CREB5: variants seen among roughly 807,000 people sequenced by gnomAD.
The protein encoded by CREB5 is cAMP responsive element binding protein 5, also known as cyclic AMP-responsive element-binding protein 5.
In CREB5, 19 loss-of-function variants were observed where a neutral mutation model predicts 57.1. That is an observed-to-expected ratio of 0.33 (90% confidence interval 0.23 to 0.49). CREB5 has a LOEUF of 0.49. Among genes scored for constraint, CREB5 ranks in the 20% least tolerant of loss-of-function variants. The probability of loss-of-function intolerance (pLI) is 0.99; values close to 1 mark genes in which losing one functional copy is unlikely to be tolerated. For missense variants in CREB5, 579 were observed against 671.6 expected, an observed-to-expected ratio of 0.86 and a Z score of 1.52; for synonymous variants, 238 against 238.3, an observed-to-expected ratio of 1.00 and a Z score of 0.01.
intron 5 of CREB5, among the ~76,000 whole-genome samples, chr7:28,658,989 AAGTCATAATT>A (rs1799481626): frequency 7.1e-6 from 1 of 141,350 alleles, no homozygotes. Flanking sequence ...ATGTATATAT[AAGTCATAATT>A]TATAATAAGT....
chr7:28,327,436 C>T (rs1785630053), intron 1 of CREB5, among the ~76,000 whole-genome samples: 1 of 152,158 alleles, frequency 6.6e-6, no homozygotes, highest in Admixed American at 6.5e-5. Context: ...AGGCCTAACA[C>T]TCATCTGCAA....
intron 1 of CREB5, among the ~76,000 whole-genome samples, chr7:28,475,077 G>T (rs1373669061): frequency 6.6e-6 from 1 of 151,964 alleles, no homozygotes. Flanking sequence ...TAGGGACAGA[G>T]GTATTGGATT....
upstream of CREB5, among the ~76,000 whole-genome samples, chr7:28,408,798 G>A (rs2128001096): frequency 6.6e-6 from 1 of 152,282 alleles, no homozygotes; most frequent in African/African-American, 2.4e-5. Flanking sequence ...TGACAAGTGA[G>A]TGCTCTGAAA....
intron 3 of CREB5, among the ~76,000 whole-genome samples, chr7:28,499,178 A>AAAC (rs2128601839): frequency 6.9e-6 from 1 of 144,946 alleles, no homozygotes; most frequent in East Asian, 2.0e-4. Flanking sequence ...CTGTGCAGGA[A>AAAC]AAAAAAAAAA....
At chr7:28,374,630 G>C (rs1309470845) in intron 1 of CREB5, among the ~76,000 whole-genome samples, 1 of 152,170 alleles carries the variant, frequency 6.6e-6, no homozygotes, top group African/African-American at 2.4e-5. Context: ...GATTCCATTG[G>C]TATGAAATTT....
chr7:28,528,650 G>A (rs1040035065), intron 4 of CREB5, among the ~76,000 whole-genome samples: 3 of 142,882 alleles, frequency 2.1e-5, no homozygotes, highest in African/African-American at 7.7e-5. Context: ...GTTGCAGTGA[G>A]CCGAGATCGC....
chr7:28,818,309 G>A (rs1389407127), intron 10 of CREB5, 130 bp downstream of exon 10: 4 of 653,420 alleles, frequency 6.1e-6, no homozygotes, highest in Admixed American at 5.6e-5. Context: ...AAGAATTCTT[G>A]AGTGGCTTCC....
At chr7:28,390,021 C>G (rs913624228) in intron 1 of CREB5, among the ~76,000 whole-genome samples, 1 of 148,904 alleles carries the variant, frequency 6.7e-6, no homozygotes, top group Non-Finnish European at 1.5e-5. Flanking sequence ...CCGGTCATAA[C>G]GTATTTCATG....
chr7:28,607,827 C>T (rs1214119303), intron 5 of CREB5, among the ~76,000 whole-genome samples: 2 of 148,252 alleles, frequency 1.3e-5, no homozygotes, highest in Non-Finnish European at 3.0e-5. Context: ...AGATAGTATT[C>T]TAACAAAGCC....
At chr7:28,308,561 C>T (rs993438745) in intron 1 of CREB5, among the ~76,000 whole-genome samples, 1 of 152,132 alleles carries the variant, frequency 6.6e-6, no homozygotes, top group Non-Finnish European at 1.5e-5. Flanking sequence ...GGACTCAAAC[C>T]CAGGCTGCCT....
intron 1 of CREB5, among the ~76,000 whole-genome samples, chr7:28,313,290 G>A (rs1400609902): frequency 2.6e-5 from 4 of 152,174 alleles, no homozygotes; most frequent in African/African-American, 4.8e-5. Context: ...CCTGAAGCAC[G>A]AACACACTTA....
rs1554304540 is a variant in CREB5 at position 28,821,126 on chromosome 7, A to AT, written c.*1848dup. 1.2e-4 allele frequency: 17 copies of AT among 146,442 alleles called. No homozygotes were observed. The highest frequency in any genetic ancestry group is 4.5e-4 in the South Asian group (2 of 4,476). 9.1% of individuals were successfully genotyped at this position (146,442 alleles called of 1,614,324 possible). A position where few individuals can be genotyped will look rare whatever the true frequency, so the allele number is the denominator to read the frequency against. On this transcript the variant is annotated 3_prime_UTR_variant, in exon 11 of 11. Coordinates refer to ENST00000357727, the MANE Select transcript of CREB5 (RefSeq NM_182898.4). The stretch of plus-strand genomic sequence containing the variant: ...CTCCATTTGAATGCTTGACCTCTTA[A>AT]TGTGTGTGTGTGTGTGTGTGTGTGT...
intron 4 of CREB5, among the ~76,000 whole-genome samples, chr7:28,533,839 C>T (rs1282642666): frequency 6.6e-6 from 1 of 152,196 alleles, no homozygotes; most frequent in Non-Finnish European, 1.5e-5. Context: ...TCCTCTTCTT[C>T]CTCCTCTTCT....
intron 5 of CREB5, among the ~76,000 whole-genome samples, chr7:28,623,144 A>C (rs1797867689): frequency 6.6e-6 from 1 of 152,056 alleles, no homozygotes; most frequent in South Asian, 2.1e-4. Flanking sequence ...CAGCCTCCCA[A>C]AGTGCTGGAA....
chr7:28,578,075 AT>A lies in CREB5; in HGVS notation c.464+7541del, dbSNP rs1795971010. Among the ~76,000 whole-genome samples, 3 of 152,298 alleles carry A rather than the reference AT, an allele frequency of 2.0e-5. No individual in the cohort carries two copies. The East Asian group carries it at 5.8e-4, about 29-fold the overall frequency. On this transcript the variant is annotated intron_variant, in intron 5 of 10. Transcript: ENST00000357727. ...TGTCTTGTATTCTAGAATTATTATT[AT>A]TTGGGGAATTATTTTGTGGAAGATC...
At chr7:28,321,006 C>G (rs956454914) in intron 1 of CREB5, among the ~76,000 whole-genome samples, 9 of 152,192 alleles carry the variant, frequency 5.9e-5, no homozygotes, top group Non-Finnish European at 8.8e-5. Context: ...CCACTGACTA[C>G]CTGGGAAACC....
chr7:28,740,912 A>C (rs1042894306), intron 7 of CREB5, among the ~76,000 whole-genome samples: 6 of 152,322 alleles, frequency 3.9e-5, no homozygotes, highest in African/African-American at 1.4e-4. Flanking sequence ...AAAAAATATC[A>C]AAAGGACATA....
At chr7:28,340,252 C>T (rs1467289299) in intron 1 of CREB5, among the ~76,000 whole-genome samples, 4 of 152,192 alleles carry the variant, frequency 2.6e-5, no homozygotes, top group Admixed American at 2.6e-4. Flanking sequence ...CTGGGTCACA[C>T]CTAAAGCCAG....
chr7:28,431,711 A>G (rs1294386224), intron 1 of CREB5, among the ~76,000 whole-genome samples: 5 of 152,188 alleles, frequency 3.3e-5, no homozygotes, highest in Non-Finnish European at 7.3e-5. Flanking sequence ...CCTGAAAACA[A>G]AGCTCTTCCA....
Sources: gnomAD v4.1 joint callset for allele counts (sites outside exome capture counted in the v4.1 genomes callset) on GRCh38, gnomAD v4.1.1 for gene constraint, MANE v1.5 for transcripts, NCBI Gene and HGNC (gene_info 2026-07-23, HGNC 2026-07-21) for gene names.